Variants in CFAP20DC observed in about 807,000 individuals in gnomAD.
CFAP20DC encodes CFAP20 domain containing.
In CFAP20DC, 84 loss-of-function variants were observed where a neutral mutation model predicts 101.7. That is an observed-to-expected ratio of 0.83 (90% confidence interval 0.69 to 0.99). CFAP20DC has a LOEUF of 0.99. Among genes scored for constraint, CFAP20DC ranks in the 50% least tolerant of loss-of-function variants. The probability of loss-of-function intolerance (pLI) is 0.00; values close to 1 mark genes in which losing one functional copy is unlikely to be tolerated. For missense variants in CFAP20DC, 1,007 were observed against 970.3 expected (o/e 1.04, Z -0.50); for synonymous variants, 359 against 351.2 (o/e 1.02, Z -0.25).
At chr3:58,889,002 CTTTTTTTTTTAA>C (rs1457669372) in intron 6 of CFAP20DC, among the ~76,000 whole-genome samples, 1 of 145,132 alleles carries the variant, frequency 6.9e-6, no homozygotes, top group Non-Finnish European at 1.5e-5. Flanking sequence ...TTTTTTTTTA[CTTTTTTTTTTAA>C]TTTTAGTATT....
intron 6 of CFAP20DC, among the ~76,000 whole-genome samples, chr3:58,888,891 G>A (rs1208098096): frequency 2.6e-5 from 4 of 151,904 alleles, no homozygotes; most frequent in Admixed American, 1.3e-4. Flanking sequence ...GAATCACCAC[G>A]CTGTCTTCCA....
In CFAP20DC at chr3:58,766,338, G is replaced by A. The variant is rs191939241; in HGVS notation, c.2238-12475C>T. Among the ~76,000 whole-genome samples, 31 of 152,294 alleles carry A rather than the reference G, an allele frequency of 2.0e-4. No individual in the cohort carries two copies. In the East Asian group the frequency reaches 5.6e-3, roughly 28 times the overall value. On this transcript the variant is annotated intron_variant, in intron 15 of 16. Transcript: ENST00000482387. ...ATGCCTTAGTGAAAGGAACTGTGAAGTAGACAATGCTTGAGGTTCTTATGA... is the reference window on the plus strand; with the variant it reads ...ATGCCTTAGTGAAAGGAACTGTGAAATAGACAATGCTTGAGGTTCTTATGA...
chr3:58,720,154 C>T (rs556631891), intron 3 of CFAP20DC, among the ~76,000 whole-genome samples: 4 of 152,316 alleles, frequency 2.6e-5, no homozygotes, highest in East Asian at 3.9e-4. Context: ...CTGTTGTCCA[C>T]GTGTTTATTG....
intron 4 of CFAP20DC, among the ~76,000 whole-genome samples, chr3:58,978,295 G>A (rs952077483): frequency 9.9e-5 from 15 of 152,098 alleles, no homozygotes; most frequent in South Asian, 6.2e-4. Flanking sequence ...CTTTCTACGC[G>A]TCAAGAGAGC....
chr3:58,842,208 G>C (rs997131654), intron 13 of CFAP20DC, among the ~76,000 whole-genome samples: 6 of 152,230 alleles, frequency 3.9e-5, no homozygotes, highest in African/African-American at 1.2e-4. Flanking sequence ...CTCCCAGCGT[G>C]AGCGACGCAG....
intron 15 of CFAP20DC, among the ~76,000 whole-genome samples, chr3:58,791,591 A>G (rs772197448): frequency 2.0e-5 from 3 of 152,210 alleles, no homozygotes; most frequent in Non-Finnish European, 2.9e-5. Context: ...ATTTCCAATG[A>G]CAATGTATAT....
chr3:58,977,728 TAAA>T (rs57717110), intron 4 of CFAP20DC, among the ~76,000 whole-genome samples: 16 of 116,472 alleles, frequency 1.4e-4, no homozygotes, highest in Admixed American at 3.4e-4. Context: ...AGTGGCGAAG[TAAA>T]AAAAAAAAAA....
intron 13 of CFAP20DC, among the ~76,000 whole-genome samples, chr3:58,836,743 A>G (rs553250091): frequency 6.6e-6 from 1 of 152,274 alleles, no homozygotes; most frequent in Admixed American, 6.5e-5. Context: ...GGACTATCGA[A>G]CAATCTCCAC....
chr3:58,892,695 T>G lies in CFAP20DC; in HGVS notation c.551-7986A>C, dbSNP rs1025197392. On this transcript the variant is annotated intron_variant, in intron 6 of 16. Coordinates refer to ENST00000482387, the MANE Select transcript of CFAP20DC (RefSeq NM_001394063.1). This position sits in a 1 kb window ranked among gnomAD's most constrained non-coding sequence, Gnocchi z 4.0. ...TGCACATTTATTTTGTATCCTGAGATTTTGCAGAAGTTGCTTATCAGCTTA... is the reference window on the plus strand; with the variant it reads ...TGCACATTTATTTTGTATCCTGAGAGTTTGCAGAAGTTGCTTATCAGCTTA... Among the ~76,000 whole-genome samples, 1 of 152,224 alleles carries G rather than the reference T, an allele frequency of 6.6e-6. No homozygotes were observed. The highest frequency in any genetic ancestry group is 6.5e-5 in the Admixed American group (1 of 15,286).
At chr3:58,853,280 C>T (rs1235874774) in intron 12 of CFAP20DC, among the ~76,000 whole-genome samples, 2 of 152,120 alleles carry the variant, frequency 1.3e-5, no homozygotes, top group Non-Finnish European at 1.5e-5. Flanking sequence ...CAAGACTAAA[C>T]CAGGAAGAAG....
intron 4 of CFAP20DC, among the ~76,000 whole-genome samples, chr3:58,955,351 T>TC (rs1225765924): frequency 6.6e-6 from 1 of 152,086 alleles, no homozygotes; most frequent in Non-Finnish European, 1.5e-5. Context: ...ATGCCACCCC[T>TC]CCCCCATGTT....
In CFAP20DC at chr3:58,788,254, G is replaced by A. The variant is rs1263148710; in HGVS notation, c.2237+18141C>T. 3.3e-5 allele frequency among the ~76,000 whole-genome samples: 5 copies of A among 152,052 alleles called. No individual in the cohort carries two copies. Among genetic ancestry groups the A allele is most frequent in the Admixed American group, 2.6e-4 (4 of 15,252 alleles). On this transcript the variant is annotated intron_variant, in intron 15 of 16. Coordinates refer to ENST00000482387, the MANE Select transcript of CFAP20DC (RefSeq NM_001394063.1). This position sits in a 1 kb window ranked among gnomAD's most constrained non-coding sequence, Gnocchi z 4.2. Reference sequence around the variant, plus strand: ...GCACGCAGTGAGAAAGGGAACCACAGCATGGTTGATTTGGGGCCGTCTATT... The same window carrying A: ...GCACGCAGTGAGAAAGGGAACCACAACATGGTTGATTTGGGGCCGTCTATT...
intron 4 of CFAP20DC, among the ~76,000 whole-genome samples, chr3:58,950,128 C>G (rs951780165): frequency 6.6e-6 from 1 of 152,138 alleles, no homozygotes; most frequent in Non-Finnish European, 1.5e-5. Flanking sequence ...ACACCAATAA[C>G]AGACAAACGG....
chr3:58,840,629 T>C (rs2077036467), intron 13 of CFAP20DC, among the ~76,000 whole-genome samples: 1 of 152,194 alleles, frequency 6.6e-6, no homozygotes, highest in East Asian at 1.9e-4. Context: ...ACCACCCCTG[T>C]AGAACAGTAC....
chr3:58,914,266 C>T lies in CFAP20DC; in HGVS notation c.394-402G>A, dbSNP rs754309958. On this transcript the variant is annotated intron_variant, in intron 5 of 16. Coordinates refer to ENST00000482387, the MANE Select transcript of CFAP20DC (RefSeq NM_001394063.1). The surrounding 1 kb of genome is among the most constrained non-coding windows in gnomAD (Gnocchi z 4.9). ...ACTAATTTGATCACAATTAGCCACTCGTATTTGTTGAAAAAGGCATGGATG... is the reference window on the plus strand; with the variant it reads ...ACTAATTTGATCACAATTAGCCACTTGTATTTGTTGAAAAAGGCATGGATG... Among the ~76,000 whole-genome samples, 4 of 152,070 alleles carry T rather than the reference C, an allele frequency of 2.6e-5. No homozygotes were observed. Among genetic ancestry groups the T allele is most frequent in the Admixed American group, 6.6e-5 (1 of 15,246 alleles).
At position 58,867,904 on chromosome 3, in the gene CFAP20DC, G is replaced by A. The variant is rs755681592; in HGVS notation, c.1048C>T (p.Pro350Ser). ...ANLHIMHPHP[P>S]QEPSADKNNN... ...TTCTTATCTGCTGATGGTTCTTGAGGGGGATGCGGATGCATAATATGTAGA... is the reference window on the plus strand; with the variant it reads ...TTCTTATCTGCTGATGGTTCTTGAGAGGGATGCGGATGCATAATATGTAGA... The change falls in exon 10 of 17, where the codon CCT becomes TCT. Residue 350 changes from proline to serine, a missense_variant. Transcript: ENST00000482387. 1.2e-6 allele frequency: 2 copies of A among 1,613,060 alleles called. No homozygotes were observed. The highest frequency in any genetic ancestry group is 4.5e-5 in the East Asian group (2 of 44,840).
chr3:58,749,599 T>A (rs73837944), intron 16 of CFAP20DC, among the ~76,000 whole-genome samples: 2,709 of 152,268 alleles, frequency 0.018, 96 homozygotes, highest in African/African-American at 0.062. Context: ...AAAAAAGGTA[T>A]AAGAATATTA....
chr3:58,835,256 C>T (rs774019671), intron 13 of CFAP20DC, among the ~76,000 whole-genome samples: 3 of 152,104 alleles, frequency 2.0e-5, no homozygotes, highest in African/African-American at 4.8e-5. Context: ...AATATGACAA[C>T]AGAAGTATGA....
rs184138767 is a variant in CFAP20DC, at chr3:59,047,095, G to T, written c.111+70C>A. On this transcript the variant is annotated intron_variant, in intron 2 of 16. Coordinates refer to ENST00000482387, the MANE Select transcript of CFAP20DC (RefSeq NM_001394063.1). The stretch of plus-strand genomic sequence containing the variant: ...AAAAACAGCTCTGAAATTTGATCAC[G>T]CCCTTTCTTCTATAAGCTTCACTCA... 26 of 991,292 alleles carry T rather than the reference G, an allele frequency of 2.6e-5. No homozygotes were observed. In the East Asian group the frequency reaches 5.3e-4, roughly 20 times the overall value. 61.4% of individuals were successfully genotyped at this position (991,292 alleles called of 1,614,324 possible). A position where few individuals can be genotyped will look rare whatever the true frequency, so the allele number is the denominator to read the frequency against.
Sources: allele counts gnomAD v4.1 joint callset (sites outside exome capture counted in the v4.1 genomes callset), GRCh38; gene constraint gnomAD v4.1.1; non-coding constraint Gnocchi (gnomAD v3.1); transcripts MANE v1.5; gene names NCBI Gene and HGNC (gene_info 2026-07-23, HGNC 2026-07-21).